Variants in KLHL11 observed in about 807,000 individuals in gnomAD.
The protein encoded by KLHL11 is kelch like family member 11.
In KLHL11, 26 loss-of-function variants were observed where a neutral mutation model predicts 56.1. The ratio of observed to expected loss-of-function variants is 0.46; its 90% CI spans 0.34 to 0.64. The LOEUF (loss-of-function observed/expected upper bound fraction) is 0.64, where lower values mean the gene tolerates loss of function less well. Ranked by LOEUF, KLHL11 falls within the 30% of genes least tolerant of loss-of-function variation. KLHL11 has a pLI of 0.01. For synonymous variants in KLHL11, 338 were observed against 345.8 expected, an observed-to-expected ratio of 0.98 and a Z score of 0.25; for missense variants, 627 against 919.4, an observed-to-expected ratio of 0.68 and a Z score of 4.11.
intron 1 of KLHL11, among the ~76,000 whole-genome samples, chr17:41,863,344 C>T (rs1438773571): frequency 2.0e-5 from 3 of 151,974 alleles, no homozygotes; most frequent in Admixed American, 6.6e-5. Context: ...ATTACAGGCA[C>T]ACCACCACGC....
In KLHL11 at chr17:41,848,528, T is replaced by C. The variant is rs2048313336; in HGVS notation, c.*5212A>G. ...ACAGTACAAACCAGCTTTAAAGAAATATGTTTATTTAAAACTTACACTGAG... is the reference window on the plus strand; with the variant it reads ...ACAGTACAAACCAGCTTTAAAGAAACATGTTTATTTAAAACTTACACTGAG... On this transcript the variant is annotated 3_prime_UTR_variant, in exon 2 of 2. Transcript: ENST00000319121. The C allele has an allele frequency of 2.0e-6, 1 of 489,268 alleles. No homozygotes were observed. The highest frequency in any genetic ancestry group is 3.6e-6 in the Non-Finnish European group (1 of 276,548). 30.3% of individuals were successfully genotyped at this position (489,268 alleles called of 1,614,324 possible). A position where few individuals can be genotyped will look rare whatever the true frequency, so the allele number is the denominator to read the frequency against.
Position 41,865,401 on chromosome 17 carries a change from C to T in KLHL11, c.-31G>A. ...CGCCGCTGCGCCCGGCCTCCACAGCCTCGGAACGATGCGGCTGTTGGTACG... is the reference window on the plus strand; with the variant it reads ...CGCCGCTGCGCCCGGCCTCCACAGCTTCGGAACGATGCGGCTGTTGGTACG... On this transcript the variant is annotated 5_prime_UTR_variant, in exon 1 of 2. Coordinates refer to ENST00000319121, the MANE Select transcript of KLHL11 (RefSeq NM_018143.3). The T allele has an allele frequency of 7.7e-7, 1 of 1,292,716 alleles. No homozygotes were observed. The highest frequency in any genetic ancestry group is 1.0e-6 in the Non-Finnish European group (1 of 986,790). The allele number at this position is 1,292,716 out of a possible 1,614,324, so 80.1% of individuals were successfully genotyped here.
At chr17:41,858,674 TC>T (rs1178589856) in intron 1 of KLHL11, among the ~76,000 whole-genome samples, 1 of 151,890 alleles carries the variant, frequency 6.6e-6, no homozygotes, top group Non-Finnish European at 1.5e-5. Flanking sequence ...CCTCAGGTGA[TC>T]CACCCACCTC....
At chr17:41,857,788 C>A (rs1385554623) in intron 1 of KLHL11, among the ~76,000 whole-genome samples, 5 of 151,956 alleles carry the variant, frequency 3.3e-5, no homozygotes, top group Admixed American at 3.3e-4. Context: ...GGACTACAGG[C>A]ACATGCTACT....
chr17:41,864,854 C>T lies in KLHL11; in HGVS notation c.517G>A (p.Val173Met). 2 of 1,551,736 alleles carry T rather than the reference C, an allele frequency of 1.3e-6. No individual in the cohort carries two copies. Among genetic ancestry groups the T allele is most frequent in the Non-Finnish European group, 1.7e-6 (2 of 1,145,422 alleles). ...TGRIRVSTGS[V>M]HEVLELADRF... is the part of the protein sequence containing the mutation. ...TCGGCCAACTCCAGCACCTCGTGCA[C>T]GCTGCCCGTGCTGACGCGGATGCGC... Residue 173 changes from valine to methionine, a missense_variant, in exon 1 of 2, where the codon GTG (valine) becomes ATG (methionine). Physicochemically the swap from Val to Met is conservative, Grantham distance 21. Around this residue, in one of 4 missense-constraint regions of KLHL11, gnomAD observed 150 missense variants for 215.7 expected, o/e 0.70. Transcript: ENST00000319121.
chr17:41,865,290 C>A lies in KLHL11; in HGVS notation c.81G>T (p.Glu27Asp), dbSNP rs1163309196. 6.4e-7 allele frequency: 1 copy of A among 1,565,602 alleles called. No individual in the cohort carries two copies. The highest frequency in any genetic ancestry group is 8.6e-7 in the Non-Finnish European group (1 of 1,164,792). ...GTCCTGCCGAGCCGGCGGCGGCCGT[C>A]TCCATGCTCTCCATCTCCAGTACCT... ...SLQVLEMESM[E>D]TAAAGSAGLA... Residue 27 changes from glutamate to aspartate, a missense_variant, in exon 1 of 2, where the codon GAG (glutamate) becomes GAT (aspartate). Transcript: ENST00000319121.
At position 41,852,059 on chromosome 17, in the gene KLHL11, C is replaced by T. The variant is rs2048335192; in HGVS notation, c.*1681G>A. ...TATTTGAGACACCGTCTCTCTGTCA[C>T]CCAAGGTAGAGTGGCATGATCACAG... On this transcript the variant is annotated 3_prime_UTR_variant, in exon 2 of 2. Transcript: ENST00000319121. 6.6e-6 allele frequency among the ~76,000 whole-genome samples: 1 copy of T among 152,152 alleles called. No homozygotes were observed. The highest frequency in any genetic ancestry group is 2.4e-5 in the African/African-American group (1 of 41,436).
rs1025985344 is a variant in KLHL11, at chr17:41,853,433, G to A, written c.*307C>T. 3.9e-6 allele frequency: 1 copy of A among 256,054 alleles called. No individual in the cohort carries two copies. The highest frequency in any genetic ancestry group is 7.4e-6 in the Non-Finnish European group (1 of 135,566). The allele number at this position is 256,054 out of a possible 1,614,324, so 15.9% of individuals were successfully genotyped here. A position where few individuals can be genotyped will look rare whatever the true frequency, so the allele number is the denominator to read the frequency against. ...TCAAAACGTAAGTCCTCAAGACAAA[G>A]GAGTCATAACTCGTTGGCAGGAAAA... On this transcript the variant is annotated 3_prime_UTR_variant, in exon 2 of 2. Transcript: ENST00000319121.
chr17:41,863,801 A>G (rs1242089477), intron 1 of KLHL11, among the ~76,000 whole-genome samples: 1 of 152,098 alleles, frequency 6.6e-6, no homozygotes, highest in Admixed American at 6.6e-5. Flanking sequence ...TTCTTAGCAA[A>G]ACGTCTTCTT....
In KLHL11 at chr17:41,865,117, T is replaced by C; in HGVS notation, c.254A>G (p.Asn85Ser). 6.2e-7 allele frequency: 1 copy of C among 1,606,276 alleles called. No homozygotes were observed. The highest frequency in any genetic ancestry group is 8.5e-7 in the Non-Finnish European group (1 of 1,175,894). ...GAAGAGGCCCTGGCGCCGCTGCTCG[T>C]TCTGCCGCCAGGACAGCTCTGAGCA... ...SHCSELSWRQ[N>S]EQRRQGLFCD... The change falls in exon 1 of 2, where the codon AAC becomes AGC. Residue 85 changes from asparagine to serine, a missense_variant. This residue lies in a region of KLHL11 where 150 missense variants were observed against 215.7 expected (regional missense o/e 0.70). Transcript: ENST00000319121.
At position 41,852,483 on chromosome 17, in the gene KLHL11, A is replaced by C. The variant is rs2048337189; in HGVS notation, c.*1257T>G. Among the ~76,000 whole-genome samples the C allele has an allele frequency of 6.6e-6, 1 of 151,934 alleles. No individual in the cohort carries two copies. Among genetic ancestry groups the C allele is most frequent in the Non-Finnish European group, 1.5e-5 (1 of 67,954 alleles). ...GACTTCCTTCCCATTTTGGAAAAAA[A>C]CAGTTTCTTGTAGAAAAGAATAATG... On this transcript the variant is annotated 3_prime_UTR_variant, in exon 2 of 2. Transcript: ENST00000319121.
Position 41,856,069 on chromosome 17 carries a change from C to T in KLHL11, c.546-748G>A, listed in dbSNP as rs185499069. On this transcript the variant is annotated intron_variant, in intron 1 of 1. Coordinates refer to ENST00000319121, the MANE Select transcript of KLHL11 (RefSeq NM_018143.3). ...GCAGTGGCACAATCTTGGCTCACGGCGACACCCTTCTCCCAGGCTCATGCA... is the reference window on the plus strand; with the variant it reads ...GCAGTGGCACAATCTTGGCTCACGGTGACACCCTTCTCCCAGGCTCATGCA... 7.9e-5 allele frequency among the ~76,000 whole-genome samples: 12 copies of T among 151,552 alleles called. No homozygotes were observed. The East Asian group carries it at 1.4e-3, about 17-fold the overall frequency.
chr17:41,854,585 G>T lies in KLHL11; in HGVS notation c.1282C>A (p.Pro428Thr), dbSNP rs1379951492. The change falls in exon 2 of 2, where the codon CCA becomes ACA. Residue 428 changes from proline to threonine, a missense_variant. Physicochemically the swap from Pro to Thr is conservative, Grantham distance 38. Coordinates refer to ENST00000319121, the MANE Select transcript of KLHL11 (RefSeq NM_018143.3). This position sits in a 1 kb window ranked among gnomAD's most constrained non-coding sequence, Gnocchi z 4.9. The stretch of plus-strand genomic sequence containing the variant: ...ACATGTTCCCATGTATTCAAATTTG[G>T]GTTATACCTTTCTACAGTTTTAGCA... The part of the protein sequence containing the change: ...GFAKTVERYN[P>T]NLNTWEHVCS... 6.2e-7 allele frequency: 1 copy of T among 1,613,936 alleles called. No homozygotes were observed. The highest frequency in any genetic ancestry group is 8.5e-7 in the Non-Finnish European group (1 of 1,180,022).
rs540560651 is a variant in KLHL11 at position 41,852,747 on chromosome 17, C to T, written c.*993G>A. On this transcript the variant is annotated 3_prime_UTR_variant, in exon 2 of 2. Coordinates refer to ENST00000319121, the MANE Select transcript of KLHL11 (RefSeq NM_018143.3). ...CAGAGGTTGCAGTGAGCCGAGATTGCACCACTGCACTCCAGCCTGGGCAAC... is the reference window on the plus strand; with the variant it reads ...CAGAGGTTGCAGTGAGCCGAGATTGTACCACTGCACTCCAGCCTGGGCAAC... Among the ~76,000 whole-genome samples the T allele has an allele frequency of 2.8e-5, 4 of 144,736 alleles. No homozygotes were observed. In the South Asian group the frequency reaches 8.7e-4, roughly 31 times the overall value. 95.0% of individuals were successfully genotyped at this position (144,736 alleles called of 152,430 possible).
rs1247655356 is a variant in KLHL11 at position 41,851,018 on chromosome 17, A to AT, written c.*2721dup. ...TTGGTATTTGATCACTAACAAGAAG[A>AT]TTAACTATAATGGACTAGGGAAAAA... On this transcript the variant is annotated 3_prime_UTR_variant, in exon 2 of 2. Coordinates refer to ENST00000319121, the MANE Select transcript of KLHL11 (RefSeq NM_018143.3). The AT allele has an allele frequency of 1.3e-5, 2 of 152,164 alleles. No individual in the cohort carries two copies. Among genetic ancestry groups the AT allele is most frequent in the African/African-American group, 4.8e-5 (2 of 41,430 alleles). 9.4% of individuals were successfully genotyped at this position (152,164 alleles called of 1,614,324 possible). A position where few individuals can be genotyped will look rare whatever the true frequency, so the allele number is the denominator to read the frequency against.
rs2048341769 is a variant in KLHL11 at position 41,853,222 on chromosome 17, C to T, written c.*518G>A. ...AAACATAAGAAAATATCAATGCAAACATTCTCAAATTATCTTGCTGAAATA... is the reference window on the plus strand; with the variant it reads ...AAACATAAGAAAATATCAATGCAAATATTCTCAAATTATCTTGCTGAAATA... On this transcript the variant is annotated 3_prime_UTR_variant, in exon 2 of 2. Coordinates refer to ENST00000319121, the MANE Select transcript of KLHL11 (RefSeq NM_018143.3). 6.6e-6 allele frequency among the ~76,000 whole-genome samples: 1 copy of T among 152,192 alleles called. No individual in the cohort carries two copies. Among genetic ancestry groups the T allele is most frequent in the Admixed American group, 6.5e-5 (1 of 15,278 alleles).
rs114408345 is a variant in KLHL11, at chr17:41,865,151, T to G, written c.220A>C (p.Ser74Arg). The change falls in exon 1 of 2, where the codon AGC becomes CGC. Residue 74 changes from serine (S) to arginine (R), a missense_variant. By Grantham distance (110) the Ser-to-Arg change is moderately radical (BLOSUM62 -1). Around this residue, in one of 4 missense-constraint regions of KLHL11, gnomAD observed 121 missense variants for 116.2 expected, o/e 1.04. Transcript: ENST00000319121. ...CAGGACAGCTCTGAGCAGTGAGAGC[T>G]GCACTCGAAATCCTCGGCTTCTGGG... is the stretch of plus-strand genomic sequence containing the variant. Reference protein sequence around the residue: ...PGPEAEDFECSSHCSELSWRQ... With the variant: ...PGPEAEDFECRSHCSELSWRQ... The G allele has an allele frequency of 7.7e-4, 1,243 of 1,609,814 alleles. 7 individuals are homozygous for G. In the African/African-American group the frequency reaches 0.015, roughly 20 times the overall value.
intron 1 of KLHL11, among the ~76,000 whole-genome samples, chr17:41,858,430 T>C (rs1187302093): frequency 4.1e-5 from 3 of 72,374 alleles, no homozygotes; most frequent in Non-Finnish European, 8.7e-5. Context: ...GTTGTTGTTG[T>C]TGTTGTTGTT....
chr17:41,864,985 TG>T lies in KLHL11; in HGVS notation c.385del (p.Gln129SerfsTer29). The T allele has an allele frequency of 2.5e-6, 4 of 1,609,962 alleles. No homozygotes were observed. The highest frequency in any genetic ancestry group is 3.4e-6 in the Non-Finnish European group (4 of 1,178,450). ...CCGTCCCGAGCGGGACTCGGAAAAC[TG>T]GCCCGAGAGCAGGGGCGTGAAGTAC... ...TEYFTPLLSG[Q>X]FSESRSGRVE... On this transcript the variant is annotated frameshift_variant, in exon 1 of 2. Transcript: ENST00000319121. LOFTEE classifies it high-confidence loss of function.
Sources: gnomAD v4.1 joint callset for allele counts (sites outside exome capture counted in the v4.1 genomes callset) on GRCh38, gnomAD v4.1.1 for gene constraint, gnomAD v4.1.1 regional missense constraint, Gnocchi (gnomAD v3.1) non-coding constraint, MANE v1.5 for transcripts, NCBI Gene and HGNC (gene_info 2026-07-23, HGNC 2026-07-21) for gene names.